ZC3H14: variants seen among roughly 807,000 people sequenced by gnomAD.
The protein encoded by ZC3H14 is zinc finger CCCH domain-containing protein 14.
In ZC3H14, 31 loss-of-function variants were observed where a neutral mutation model predicts 92.4. That is an observed-to-expected ratio of 0.34 (90% CI 0.25 to 0.45). The LOEUF (loss-of-function observed/expected upper bound fraction) is 0.45. ZC3H14 is among the 20% of genes least tolerant of loss of function. ZC3H14 has a pLI of 1.00. For synonymous variants in ZC3H14, 321 were observed against 300.9 expected (o/e 1.07, Z -0.69); for missense variants, 781 against 897.3 (o/e 0.87, Z 1.66).
intron 14 of ZC3H14, 141 bp downstream of exon 14, chr14:88,609,544 C>T: frequency 6.5e-6 from 9 of 1,387,472 alleles, no homozygotes; most frequent in East Asian, 2.4e-5. Flanking sequence ...CTTTAAAGAG[C>T]AAGTGTGCCT....
chr14:88,620,681 G>C lies in ZC3H14; in HGVS notation c.*8930G>C. 1.5e-6 allele frequency: 2 copies of C among 1,333,070 alleles called. No individual in the cohort carries two copies. The highest frequency in any genetic ancestry group is 2.0e-6 in the Non-Finnish European group (2 of 1,019,524). The allele number at this position is 1,333,070 out of a possible 1,614,324, so 82.6% of individuals were successfully genotyped here. A position where few individuals can be genotyped will look rare whatever the true frequency, so the allele number is the denominator to read the frequency against. On this transcript the variant is annotated 3_prime_UTR_variant, in exon 17 of 17. Transcript: ENST00000251038. The surrounding 1 kb of genome is among the most constrained non-coding windows in gnomAD (Gnocchi z 4.3). ...CCTGGGGACCTCTTTTTGAAGGCAA[G>C]GCTATGGAAAATTTTACAAATGGAA...
intron 6 of ZC3H14, chr14:88,574,403 G>A (rs1331449908): frequency 2.2e-5 from 8 of 362,258 alleles, no homozygotes; most frequent in African/African-American, 6.4e-5. Context: ...ATGCCGCCAC[G>A]CTCAGCTAAT....
chr14:88,582,952 A>G (rs553074382), intron 9 of ZC3H14, among the ~76,000 whole-genome samples: 3 of 151,486 alleles, frequency 2.0e-5, no homozygotes, highest in Non-Finnish European at 4.4e-5. Context: ...TGGTGTCTTT[A>G]TTTTTACTAG....
At position 88,601,909 on chromosome 14, in the gene ZC3H14, A is replaced by AT. The variant is rs764230431; in HGVS notation, c.1355-8dup. 2.5e-6 allele frequency: 4 copies of AT among 1,613,358 alleles called. No homozygotes were observed. Among genetic ancestry groups the AT allele is most frequent in the Non-Finnish European group, 3.4e-6 (4 of 1,179,638 alleles). ...ATTCAAAAGTAAACATTTGTGGCCAATTTTTTTGGCTCAGATTACTATGAC... is the reference window on the plus strand; with the variant it reads ...ATTCAAAAGTAAACATTTGTGGCCAATTTTTTTTGGCTCAGATTACTATGAC... On this transcript the variant is annotated splice_polypyrimidine_tract_variant and intron_variant, in intron 10 of 16. Coordinates refer to ENST00000251038, the MANE Select transcript of ZC3H14 (RefSeq NM_024824.5).
At position 88,620,992 on chromosome 14, in the gene ZC3H14, C is replaced by T; in HGVS notation, c.*9241C>T. The T allele has an allele frequency of 6.8e-7, 1 of 1,466,002 alleles. No homozygotes were observed. The highest frequency in any genetic ancestry group is 2.5e-5 in the East Asian group (1 of 40,216). 90.8% of individuals were successfully genotyped at this position (1,466,002 alleles called of 1,614,324 possible). A position where few individuals can be genotyped will look rare whatever the true frequency, so the allele number is the denominator to read the frequency against. On this transcript the variant is annotated 3_prime_UTR_variant, in exon 17 of 17. Transcript: ENST00000251038. This position sits in a 1 kb window ranked among gnomAD's most constrained non-coding sequence, Gnocchi z 4.3. ...TTAAGTGAAGTACTTCTAAATTATA[C>T]CAGTTTCCCCTCAAAATGCTCAACA...
At chr14:88,587,337 A>G (rs925916812) in intron 9 of ZC3H14, among the ~76,000 whole-genome samples, 1 of 151,876 alleles carries the variant, frequency 6.6e-6, no homozygotes, top group African/African-American at 2.4e-5. Context: ...AATTTTTAAT[A>G]AAATTTTTAG....
At chr14:88,589,355 A>T (rs981037886) in intron 9 of ZC3H14, 4 of 152,132 alleles carry the variant, frequency 2.6e-5, no homozygotes, top group African/African-American at 9.7e-5. Context: ...TACCATTCAC[A>T]AGCCTTCTTC....
intron 2 of ZC3H14, among the ~76,000 whole-genome samples, chr14:88,565,551 C>G (rs1303958709): frequency 6.6e-6 from 1 of 152,160 alleles, no homozygotes; most frequent in Non-Finnish European, 1.5e-5. Flanking sequence ...ATAACCAATG[C>G]ATAATATTAC....
At position 88,619,451 on chromosome 14, in the gene ZC3H14, C is replaced by T. The variant is rs2088439128; in HGVS notation, c.*7700C>T. ...AACTCCTGGCCTCAAGCAATCCTTC[C>T]CCCTTGGCCTCCCAAGGTACTGGGA... On this transcript the variant is annotated 3_prime_UTR_variant, in exon 17 of 17. Coordinates refer to ENST00000251038, the MANE Select transcript of ZC3H14 (RefSeq NM_024824.5). The T allele has an allele frequency of 1.3e-5, 2 of 152,302 alleles. No homozygotes were observed. The highest frequency in any genetic ancestry group is 6.5e-5 in the Admixed American group (1 of 15,278). 9.4% of individuals were successfully genotyped at this position (152,302 alleles called of 1,614,324 possible). A position where few individuals can be genotyped will look rare whatever the true frequency, so the allele number is the denominator to read the frequency against.
intron 2 of ZC3H14, among the ~76,000 whole-genome samples, chr14:88,566,851 C>T (rs2079701003): frequency 1.3e-5 from 2 of 150,520 alleles, no homozygotes; most frequent in African/African-American, 4.9e-5. Flanking sequence ...ACCCAGGAAG[C>T]AGAGCTTGCA....
chr14:88,565,850 C>A (rs2079499509), intron 2 of ZC3H14, among the ~76,000 whole-genome samples: 2 of 151,722 alleles, frequency 1.3e-5, no homozygotes. Context: ...GAAACAAGGC[C>A]AGTCTTTGCA....
In ZC3H14 at chr14:88,612,050, T is replaced by G. The variant is rs1019388391; in HGVS notation, c.*299T>G. On this transcript the variant is annotated 3_prime_UTR_variant, in exon 17 of 17. Coordinates refer to ENST00000251038, the MANE Select transcript of ZC3H14 (RefSeq NM_024824.5). ...CACTGCTGTTGTGAGGATCAGCATA[T>G]GAAATTGACATCATGGTTAGTCATG... 4.7e-6 allele frequency: 2 copies of G among 427,224 alleles called. No individual in the cohort carries two copies. The allele number at this position is 427,224 out of a possible 1,614,324, so 26.5% of individuals were successfully genotyped here.
In ZC3H14 at chr14:88,615,737, G is replaced by T; in HGVS notation, c.*3986G>T. The T allele has an allele frequency of 1.5e-6, 2 of 1,357,438 alleles. No homozygotes were observed. Among genetic ancestry groups the T allele is most frequent in the South Asian group, 1.3e-5 (1 of 76,582 alleles). The allele number at this position is 1,357,438 out of a possible 1,614,324, so 84.1% of individuals were successfully genotyped here. ...TTACAGTCTTGGGTTAGCACCACTT[G>T]ACCATGCAGGGTTGGGTTTTGGTTT... On this transcript the variant is annotated 3_prime_UTR_variant, in exon 17 of 17. Transcript: ENST00000251038.
At chr14:88,576,436 C>T (rs1346676821) in intron 8 of ZC3H14, among the ~76,000 whole-genome samples, 1 of 152,212 alleles carries the variant, frequency 6.6e-6, no homozygotes, top group Non-Finnish European at 1.5e-5. Context: ...GATGTTCCTG[C>T]TCCAATTCTA....
intron 6 of ZC3H14, chr14:88,574,172 A>G (rs1012462806): frequency 1.5e-4 from 23 of 154,110 alleles, no homozygotes; most frequent in African/African-American, 5.3e-4. Flanking sequence ...CTGTTGATAA[A>G]ATAAATGTAA....
At chr14:88,576,130 T>C (rs1028628277) in intron 8 of ZC3H14, among the ~76,000 whole-genome samples, 190 bp downstream of exon 8, 7 of 152,234 alleles carry the variant, frequency 4.6e-5, no homozygotes, top group Admixed American at 2.6e-4. Flanking sequence ...CAACTGTTAT[T>C]GGACTGTAGT....
intron 6 of ZC3H14, 105 bp downstream of exon 6, chr14:88,573,112 G>T (rs1833821073): frequency 2.3e-6 from 3 of 1,320,256 alleles, no homozygotes; most frequent in South Asian, 1.2e-5. Flanking sequence ...TGGGCACAGT[G>T]GCTCACACCT....
At chr14:88,594,744 G>C in intron 9 of ZC3H14, 1 of 1,614,014 alleles carries the variant, frequency 6.2e-7, no homozygotes, top group Non-Finnish European at 8.5e-7. Context: ...TGTCTTCAAA[G>C]TTTCCATCAC....
At position 88,615,667 on chromosome 14, in the gene ZC3H14, A is replaced by C. The variant is rs760658629; in HGVS notation, c.*3916A>C. 1.5e-6 allele frequency: 1 copy of C among 669,716 alleles called. No homozygotes were observed. Among genetic ancestry groups the C allele is most frequent in the Non-Finnish European group, 2.5e-6 (1 of 397,344 alleles). The allele number at this position is 669,716 out of a possible 1,614,324, so 41.5% of individuals were successfully genotyped here. ...AGTGCATATAGCAAATATTTTGAAC[A>C]GATCAGTCTTTCACTATTTTGATGA... is the stretch of plus-strand genomic sequence containing the variant. On this transcript the variant is annotated 3_prime_UTR_variant, in exon 17 of 17. Coordinates refer to ENST00000251038, the MANE Select transcript of ZC3H14 (RefSeq NM_024824.5).
Sources: gnomAD v4.1 joint callset for allele counts (sites outside exome capture counted in the v4.1 genomes callset) on GRCh38, gnomAD v4.1.1 for gene constraint, Gnocchi (gnomAD v3.1) non-coding constraint, MANE v1.5 for transcripts, NCBI Gene and HGNC (gene_info 2026-07-23, HGNC 2026-07-21) for gene names.